SHANK2: variants seen among roughly 807,000 people sequenced by gnomAD.
The protein encoded by SHANK2 is SH3 and multiple ankyrin repeat domains protein 2.
SHANK2 carries 43 observed loss-of-function variants against 133.7 expected under a neutral mutation model. The observed-to-expected ratio is 0.32, with a 90% CI of 0.25 to 0.41. SHANK2 has a LOEUF of 0.41. Ranked by LOEUF, SHANK2 falls within the 10% of genes least tolerant of loss-of-function variation. SHANK2 has a pLI of 1.00. For synonymous variants in SHANK2, 1,017 were observed against 952.8 expected, an observed-to-expected ratio of 1.07 and a Z score of -1.24; for missense variants, 1,994 against 2,235.8, an observed-to-expected ratio of 0.89 and a Z score of 2.18.
intron 17 of SHANK2, among the ~76,000 whole-genome samples, chr11:70,609,217 A>C (rs782306672): frequency 6.6e-6 from 1 of 152,252 alleles, no homozygotes; most frequent in African/African-American, 2.4e-5. Flanking sequence ...CCCACCCAAC[A>C]GAGGAATCAG....
At chr11:70,814,326 A>C (rs1490078281) in intron 12 of SHANK2, among the ~76,000 whole-genome samples, 1 of 147,584 alleles carries the variant, frequency 6.8e-6, no homozygotes, top group Non-Finnish European at 1.5e-5. Context: ...CTCTGTCTCA[A>C]AAAAAAAAAA....
chr11:70,667,702 G>T (rs1224058796), intron 15 of SHANK2: 1 of 152,270 alleles, frequency 6.6e-6, no homozygotes, highest in Non-Finnish European at 1.5e-5. Context: ...GATCCTCGAG[G>T]TGATGTCCAT....
intron 3 of SHANK2, among the ~76,000 whole-genome samples, 199 bp from the exon 4 acceptor site, chr11:71,119,231 G>T (rs555933553): frequency 6.6e-6 from 1 of 152,076 alleles, no homozygotes; most frequent in African/African-American, 2.4e-5. Flanking sequence ...ATATAAAAGG[G>T]AAAAAGGAAA....
At chr11:70,893,730 T>C (rs957709146) in intron 11 of SHANK2, among the ~76,000 whole-genome samples, 10 of 152,342 alleles carry the variant, frequency 6.6e-5, no homozygotes, top group Admixed American at 1.3e-4. Flanking sequence ...ATCCTTTCCC[T>C]TTGGGGCCCT....
rs1951572339 is a variant in SHANK2, at chr11:71,094,497, A to G, written c.744+40T>C. The G allele has an allele frequency of 3.3e-6, 5 of 1,533,974 alleles. No individual in the cohort carries two copies. The South Asian group carries it at 6.2e-5, about 19-fold the overall frequency. On this transcript the variant is annotated intron_variant, in intron 7 of 25. Coordinates refer to ENST00000601538, the MANE Select transcript of SHANK2 (RefSeq NM_012309.5). Reference sequence around the variant, plus strand: ...GGATGGGGCAGCCGCACGGAATCAGAGCACGGGGTGGCACCCAAGTAAGAT... The same window carrying G: ...GGATGGGGCAGCCGCACGGAATCAGGGCACGGGGTGGCACCCAAGTAAGAT...
chr11:70,910,219 T>C (rs1950170598), intron 10 of SHANK2, among the ~76,000 whole-genome samples: 1 of 152,106 alleles, frequency 6.6e-6, no homozygotes, highest in Admixed American at 6.5e-5. Flanking sequence ...AATGCAGGAA[T>C]TTAGGGGGAC....
rs1449062273 is a variant in SHANK2, at chr11:70,872,693, G to A, written c.1174+23808C>T. The stretch of plus-strand genomic sequence containing the variant: ...GGACCACATTACTTCCGGCTCCCTG[G>A]TGTATCTCCTCCACGTTCTGGCCAC... On this transcript the variant is annotated intron_variant, in intron 11 of 25. Coordinates refer to ENST00000601538, the MANE Select transcript of SHANK2 (RefSeq NM_012309.5). Among the ~76,000 whole-genome samples, 3 of 152,058 alleles carry A rather than the reference G, an allele frequency of 2.0e-5. No homozygotes were observed. The East Asian group carries it at 5.8e-4, about 30-fold the overall frequency.
intron 14 of SHANK2, among the ~76,000 whole-genome samples, chr11:70,772,333 G>A (rs1304743037): frequency 3.3e-5 from 5 of 151,676 alleles, no homozygotes; most frequent in South Asian, 2.1e-4. Context: ...CTAGCTACTC[G>A]GGAGGCTGAG....
intron 17 of SHANK2, among the ~76,000 whole-genome samples, chr11:70,608,471 A>T (rs928905478): frequency 6.6e-6 from 1 of 152,034 alleles, no homozygotes; most frequent in African/African-American, 2.4e-5. Context: ...TGCACCTCTG[A>T]GTTCTGGGAC....
chr11:70,755,426 CTG>C, intron 14 of SHANK2, among the ~76,000 whole-genome samples: 1 of 152,362 alleles, frequency 6.6e-6, no homozygotes. Flanking sequence ...CCTGCAGAAA[CTG>C]TGTGCAGGGG....
intron 17 of SHANK2, among the ~76,000 whole-genome samples, chr11:70,619,915 T>C (rs1009901035): frequency 6.6e-6 from 1 of 152,204 alleles, no homozygotes; most frequent in Non-Finnish European, 1.5e-5. Context: ...GGCTCAGCTC[T>C]GCTAACTGAT....
In SHANK2 at chr11:70,599,881, AAGAAAGAAAAAGAAAGAAAGAAAG is replaced by A. The variant is rs1245110066; in HGVS notation, c.2061+59923_2061+59946del. Among the ~76,000 whole-genome samples, 113 of 97,294 alleles carry A rather than the reference AAGAAAGAAAAAGAAAGAAAGAAAG, an allele frequency of 1.2e-3. 4 individuals carry two copies. Among genetic ancestry groups the A allele is most frequent in the Non-Finnish European group, 1.6e-3 (80 of 49,182 alleles). The allele number at this position is 97,294 out of a possible 152,430, so 63.8% of individuals were successfully genotyped here. A position where few individuals can be genotyped will look rare whatever the true frequency, so the allele number is the denominator to read the frequency against. On this transcript the variant is annotated intron_variant, in intron 17 of 25. Transcript: ENST00000601538. Reference sequence around the variant, plus strand: ...AGAAATAAAAAGAAAGAAAGAAAGAAAGAAAGAAAAAGAAAGAAAGAAAGAGAAAGAAAGAAAGAAAGAAAGAAA... The same window carrying A: ...AGAAATAAAAAGAAAGAAAGAAAGAAAGAAAGAAAGAAAGAAAGAAAGAAA...
intron 8 of SHANK2, among the ~76,000 whole-genome samples, chr11:71,085,714 ATTATATTATATAAAATATAAT>A (rs1951384050): frequency 3.3e-4 from 22 of 67,064 alleles, no homozygotes; most frequent in African/African-American, 1.3e-3. Flanking sequence ...TGTTATATAT[ATTATATTATATAAAATATAAT>A]ATATTATATA....
At chr11:70,571,692 C>G (rs922206520) in intron 17 of SHANK2, among the ~76,000 whole-genome samples, 1 of 151,966 alleles carries the variant, frequency 6.6e-6, no homozygotes, top group Non-Finnish European at 1.5e-5. Context: ...CAGTTGGAGG[C>G]CCCTACAGGC....
intron 11 of SHANK2, chr11:70,896,286 C>T: frequency 2.2e-6 from 1 of 460,192 alleles, no homozygotes. Flanking sequence ...ATGTTTCAGA[C>T]AGCCTAACCT....
chr11:70,602,038 C>T (rs1385009814), intron 17 of SHANK2, among the ~76,000 whole-genome samples: 3 of 152,168 alleles, frequency 2.0e-5, no homozygotes, highest in South Asian at 2.1e-4. Context: ...GGTCTCAGGG[C>T]GGGTCCCTCG....
At chr11:71,059,693 C>A (rs1265296698) in intron 9 of SHANK2, among the ~76,000 whole-genome samples, 1 of 152,210 alleles carries the variant, frequency 6.6e-6, no homozygotes, top group East Asian at 1.9e-4. Context: ...GGGAACCACA[C>A]CCTCTCCGGC....
At chr11:70,576,325 C>T (rs549309919) in intron 17 of SHANK2, among the ~76,000 whole-genome samples, 3 of 152,078 alleles carry the variant, frequency 2.0e-5, no homozygotes, top group African/African-American at 7.2e-5. Flanking sequence ...GGGAGAGAGC[C>T]GTGCCAGTGG....
chr11:70,508,494 C>T (rs1554968807), intron 17 of SHANK2, among the ~76,000 whole-genome samples: 2 of 152,216 alleles, frequency 1.3e-5, no homozygotes, highest in Admixed American at 6.5e-5. Context: ...TGCTGGAGTC[C>T]TAATCCCTAG....
Sources: allele counts gnomAD v4.1 joint callset (sites outside exome capture counted in the v4.1 genomes callset), GRCh38; gene constraint gnomAD v4.1.1; transcripts MANE v1.5; gene names NCBI Gene and HGNC (gene_info 2026-07-23, HGNC 2026-07-21).